Variants in TMPRSS15 observed in about 807,000 individuals in gnomAD.
TMPRSS15 encodes the protein enteropeptidase.
In TMPRSS15, 128 loss-of-function variants were observed where a neutral mutation model predicts 125.3. The ratio of observed to expected loss-of-function variants is 1.02; its 90% CI spans 0.89 to 1.18. The LOEUF is 1.18. Ranked by LOEUF, TMPRSS15 falls within the 50% of genes most tolerant of loss-of-function variation. TMPRSS15 has a pLI of 0.00. For missense variants in TMPRSS15, 1,283 were observed against 1,212.7 expected (o/e 1.06, Z -0.86); for synonymous variants, 446 against 423.2 (o/e 1.05, Z -0.66).
At chr21:18,437,369 G>A (rs2076230200) in intron 1 of TMPRSS15, among the ~76,000 whole-genome samples, 3 of 151,892 alleles carry the variant, frequency 2.0e-5, no homozygotes, top group South Asian at 2.1e-4. Flanking sequence ...AACCATAAAA[G>A]CCCTAGAAGA....
intron 8 of TMPRSS15, among the ~76,000 whole-genome samples, chr21:18,358,039 T>C (rs1273912457): frequency 6.6e-6 from 1 of 151,802 alleles, no homozygotes; most frequent in African/African-American, 2.4e-5. Flanking sequence ...TCATTGATGT[T>C]TTCTGCTTGG....
intron 4 of TMPRSS15, among the ~76,000 whole-genome samples, chr21:18,383,148 G>A (rs188509876): frequency 7.0e-4 from 106 of 151,684 alleles, no homozygotes; most frequent in African/African-American, 2.2e-3. Flanking sequence ...CAAAGAATGC[G>A]TAAGACCCAC....
chr21:18,441,306 A>AAAACC (rs1308751360), intron 1 of TMPRSS15, among the ~76,000 whole-genome samples: 5 of 150,476 alleles, frequency 3.3e-5, no homozygotes, highest in Middle Eastern at 3.5e-3. Flanking sequence ...AAAACAAAAC[A>AAAACC]AAACCAAAAA....
At chr21:18,438,105 A>G (rs2076232133) in intron 1 of TMPRSS15, among the ~76,000 whole-genome samples, 1 of 151,456 alleles carries the variant, frequency 6.6e-6, no homozygotes, top group Admixed American at 6.6e-5. Context: ...GACTGGATTA[A>G]GAAAATGTGG....
At chr21:18,483,962 T>C (rs1979031961) in intron 1 of TMPRSS15, among the ~76,000 whole-genome samples, 1 of 151,904 alleles carries the variant, frequency 6.6e-6, no homozygotes, top group Non-Finnish European at 1.5e-5. Flanking sequence ...TAGTAATCCT[T>C]ATTTTTTATT....
chr21:18,450,882 G>A (rs748971187), intron 1 of TMPRSS15, among the ~76,000 whole-genome samples: 3 of 152,072 alleles, frequency 2.0e-5, no homozygotes, highest in Non-Finnish European at 4.4e-5. Flanking sequence ...TATATACACC[G>A]TCAACAATAA....
intron 14 of TMPRSS15, among the ~76,000 whole-genome samples, chr21:18,330,238 G>C (rs932946866): frequency 2.0e-5 from 3 of 152,002 alleles, no homozygotes; most frequent in African/African-American, 7.3e-5. Flanking sequence ...AACGTCCCTT[G>C]CCACCACAAC....
chr21:18,400,850 C>T (rs999675370), intron 1 of TMPRSS15, among the ~76,000 whole-genome samples: 8 of 151,860 alleles, frequency 5.3e-5, no homozygotes, highest in South Asian at 4.1e-4. Context: ...TCTAATATCC[C>T]GAATCTATAA....
At chr21:18,394,285 C>T (rs1247582626) in intron 3 of TMPRSS15, among the ~76,000 whole-genome samples, 3 of 151,874 alleles carry the variant, frequency 2.0e-5, no homozygotes, top group Admixed American at 6.6e-5. Flanking sequence ...GGATATTAAC[C>T]CTGAATAAAC....
intron 1 of TMPRSS15, among the ~76,000 whole-genome samples, chr21:18,463,087 A>G (rs1191173176): frequency 6.6e-6 from 1 of 151,844 alleles, no homozygotes; most frequent in Non-Finnish European, 1.5e-5. Flanking sequence ...CTTACATGTA[A>G]ATGGGCTAAT....
chr21:18,384,367 T>C (rs2075922717), intron 3 of TMPRSS15, among the ~76,000 whole-genome samples: 1 of 152,110 alleles, frequency 6.6e-6, no homozygotes, highest in Admixed American at 6.5e-5. Context: ...CTGGGTCTAT[T>C]AGGGATTCAC....
chr21:18,475,194 A>G (rs1978856494), intron 1 of TMPRSS15, among the ~76,000 whole-genome samples: 1 of 152,192 alleles, frequency 6.6e-6, no homozygotes, highest in Non-Finnish European at 1.5e-5. Flanking sequence ...ATAAATGCCA[A>G]TCCCAAACTA....
At chr21:18,464,116 T>A (rs1356199701) in intron 1 of TMPRSS15, among the ~76,000 whole-genome samples, 1 of 134,614 alleles carries the variant, frequency 7.4e-6, no homozygotes, top group African/African-American at 2.9e-5. Context: ...GAGCTTGCAG[T>A]GAGCTGAGAT....
intron 1 of TMPRSS15, among the ~76,000 whole-genome samples, chr21:18,479,647 T>G (rs552676765): frequency 1.3e-4 from 20 of 152,168 alleles, no homozygotes; most frequent in African/African-American, 4.8e-4. Context: ...AAGCTCATCA[T>G]CACTGGTCAC....
intron 1 of TMPRSS15, among the ~76,000 whole-genome samples, chr21:18,429,685 T>C (rs2076212276): frequency 6.6e-6 from 1 of 152,182 alleles, no homozygotes; most frequent in South Asian, 2.1e-4. Context: ...GAACTGTAAG[T>C]CCAATTAAAC....
intron 1 of TMPRSS15, among the ~76,000 whole-genome samples, chr21:18,416,526 C>T (rs1240142325): frequency 6.6e-6 from 1 of 151,990 alleles, no homozygotes; most frequent in African/African-American, 2.4e-5. Context: ...AGTGTTCCAT[C>T]TCCTTGGTTA....
chr21:18,433,027 G>T (rs1251321962), intron 1 of TMPRSS15, among the ~76,000 whole-genome samples: 2 of 152,080 alleles, frequency 1.3e-5, no homozygotes, highest in Non-Finnish European at 2.9e-5. Context: ...GCAAAAAATT[G>T]AACATTTAAT....
intron 17 of TMPRSS15, among the ~76,000 whole-genome samples, chr21:18,313,889 C>A (rs1440785158): frequency 8.1e-6 from 1 of 123,390 alleles, no homozygotes; most frequent in East Asian, 3.2e-4. Flanking sequence ...AATTCCCTCC[C>A]CACCAAAAAA....
At chr21:18,421,084 A>C (rs1190625948) in intron 1 of TMPRSS15, among the ~76,000 whole-genome samples, 1 of 152,212 alleles carries the variant, frequency 6.6e-6, no homozygotes, top group African/African-American at 2.4e-5. Flanking sequence ...TTTTACATAT[A>C]TGACACGGAG....
Sources: allele counts gnomAD v4.1 joint callset (sites outside exome capture counted in the v4.1 genomes callset), GRCh38; gene constraint gnomAD v4.1.1; transcripts MANE v1.5; gene names NCBI Gene and HGNC (gene_info 2026-07-23, HGNC 2026-07-21).